The following GNAL variants were observed in gnomAD, a reference collection of about 807,000 sequenced individuals.
GNAL encodes the protein G protein subunit alpha L.
Under a neutral mutation model 55.1 loss-of-function variants are expected in GNAL, and 18 were observed. The observed-to-expected ratio is 0.33, with a 90% CI of 0.23 to 0.48. GNAL has a LOEUF of 0.48. GNAL is among the 20% of genes least tolerant of loss of function. The pLI, the probability that GNAL is intolerant of heterozygous loss-of-function variation, is 0.99. For synonymous variants in GNAL, 253 were observed against 237.0 expected (o/e 1.07, Z -0.62); for missense variants, 412 against 614.1 (o/e 0.67, Z 3.48).
intron 1 of GNAL, among the ~76,000 whole-genome samples, chr18:11,714,308 C>T (rs1353250810): frequency 6.6e-6 from 1 of 151,924 alleles, no homozygotes; most frequent in Admixed American, 6.6e-5. Context: ...TGTGCTTTTT[C>T]CAAAAGAGGA....
chr18:11,871,271 G>A (rs1326030518), intron 9 of GNAL, among the ~76,000 whole-genome samples: 1 of 145,398 alleles, frequency 6.9e-6, no homozygotes, highest in East Asian at 2.0e-4. Context: ...TTTTTTTTGA[G>A]ACAGAGTCTC....
chr18:11,804,968 A>G (rs11876661), intron 4 of GNAL, among the ~76,000 whole-genome samples: 49,611 of 100,762 alleles, frequency 0.49, 14,611 homozygotes, highest in Admixed American at 0.68. Flanking sequence ...GTGCAGTTTG[A>G]GTGGAACATG....
At chr18:11,837,175 G>C (rs1443640744) in intron 5 of GNAL, among the ~76,000 whole-genome samples, 1 of 152,102 alleles carries the variant, frequency 6.6e-6, no homozygotes, top group African/African-American at 2.4e-5. Context: ...ATTTTTAGTA[G>C]TGCTGGCGTT....
intron 11 of GNAL, among the ~76,000 whole-genome samples, chr18:11,879,719 C>A (rs903810514): frequency 6.6e-6 from 1 of 152,222 alleles, no homozygotes; most frequent in African/African-American, 2.4e-5. Flanking sequence ...ACACCCACTG[C>A]ACTTAGCTTC....
At chr18:11,714,053 C>G (rs1488157187) in intron 1 of GNAL, among the ~76,000 whole-genome samples, 1 of 152,214 alleles carries the variant, frequency 6.6e-6, no homozygotes, top group Non-Finnish European at 1.5e-5. Flanking sequence ...CAAGGGGCAT[C>G]TCCGATGCCA....
chr18:11,746,250 T>C, intron 1 of GNAL: 1 of 455,462 alleles, frequency 2.2e-6, no homozygotes, highest in South Asian at 1.7e-5. Context: ...GTGGAGAAGC[T>C]CTTCTCAGGT....
At chr18:11,733,968 C>T (rs1285873020) in intron 1 of GNAL, among the ~76,000 whole-genome samples, 5 of 151,532 alleles carry the variant, frequency 3.3e-5, no homozygotes, top group Admixed American at 6.6e-5. Context: ...TGTAGAACTG[C>T]GCCATCATTT....
At chr18:11,811,005 A>C (rs1003657781) in intron 4 of GNAL, 2 of 152,180 alleles carry the variant, frequency 1.3e-5, no homozygotes, top group Non-Finnish European at 2.9e-5. Context: ...TCTCTTCTGC[A>C]CCAGGACTTA....
At chr18:11,741,270 AACAG>A (rs1295239403) in intron 1 of GNAL, among the ~76,000 whole-genome samples, 1 of 152,244 alleles carries the variant, frequency 6.6e-6, no homozygotes, top group Non-Finnish European at 1.5e-5. Flanking sequence ...AATCCAACAG[AACAG>A]ACCCCTGTGA....
At chr18:11,840,491 G>C (rs2035589870) in intron 5 of GNAL, among the ~76,000 whole-genome samples, 3 of 152,228 alleles carry the variant, frequency 2.0e-5, no homozygotes, top group Admixed American at 1.3e-4. Context: ...CTCAGCAGAG[G>C]TGAACACTGA....
rs551746692 is a variant in GNAL at position 11,883,393 on chromosome 18, C to T, written c.*2258C>T. The stretch of plus-strand genomic sequence containing the variant: ...GTATGCATCATTACTCAACAATTAC[C>T]CTCTAACTAAACATCCTGTTTAAGA... On this transcript the variant is annotated 3_prime_UTR_variant, in exon 12 of 12. Coordinates refer to ENST00000334049, the MANE Select transcript of GNAL (RefSeq NM_182978.4). 2.6e-5 allele frequency: 4 copies of T among 153,376 alleles called. No individual in the cohort carries two copies. Among genetic ancestry groups the T allele is most frequent in the African/African-American group, 9.6e-5 (4 of 41,546 alleles). The allele number at this position is 153,376 out of a possible 1,614,324, so 9.5% of individuals were successfully genotyped here.
chr18:11,728,541 G>A (rs2032265692), intron 1 of GNAL, among the ~76,000 whole-genome samples: 1 of 152,152 alleles, frequency 6.6e-6, no homozygotes, highest in Non-Finnish European at 1.5e-5. Flanking sequence ...TTGCAATTCT[G>A]AGTTGGACAA....
At position 11,822,601 on chromosome 18, in the gene GNAL, C is replaced by T. The variant is rs185444863; in HGVS notation, c.625-2317C>T. 1.8e-3 allele frequency among the ~76,000 whole-genome samples: 272 copies of T among 152,184 alleles called. 1 individual carries two copies. Among genetic ancestry groups the T allele is most frequent in the African/African-American group, 6.4e-3 (264 of 41,510 alleles). ...CCTGTGAGAAGGGGCAGAGTGAGACCACGTCTCAAAAAATTAAAGTTAAAA... is the reference window on the plus strand; with the variant it reads ...CCTGTGAGAAGGGGCAGAGTGAGACTACGTCTCAAAAAATTAAAGTTAAAA... On this transcript the variant is annotated intron_variant, in intron 4 of 11. Coordinates refer to ENST00000334049, the MANE Select transcript of GNAL (RefSeq NM_182978.4).
intron 7 of GNAL, among the ~76,000 whole-genome samples, chr18:11,864,896 T>C (rs1371146890): frequency 6.6e-6 from 1 of 152,212 alleles, no homozygotes; most frequent in Non-Finnish European, 1.5e-5. Context: ...ATCTTTCAGA[T>C]GCACAGTCAC....
At chr18:11,709,524 C>T (rs542173211) in intron 1 of GNAL, among the ~76,000 whole-genome samples, 88 of 151,912 alleles carry the variant, frequency 5.8e-4, no homozygotes, top group African/African-American at 2.0e-3. Context: ...GGTCTTTCTC[C>T]TCCTTGGTTA....
At chr18:11,873,904 C>T (rs681260) in intron 10 of GNAL, 57,802 of 152,456 alleles carry the variant, frequency 0.38, 13,358 homozygotes, top group African/African-American at 0.66. Context: ...TTTCCCTCCT[C>T]ATGGCTGTGG....
At chr18:11,863,406 A>G (rs949509619) in intron 6 of GNAL, among the ~76,000 whole-genome samples, 1 of 152,216 alleles carries the variant, frequency 6.6e-6, no homozygotes, top group South Asian at 2.1e-4. Flanking sequence ...TGGGCCCCCA[A>G]GGTGGGAGGT....
chr18:11,758,139 A>AG (rs1460041563), intron 4 of GNAL, among the ~76,000 whole-genome samples: 1 of 152,226 alleles, frequency 6.6e-6, no homozygotes, highest in Non-Finnish European at 1.5e-5. Flanking sequence ...GCAGGAGTCC[A>AG]GTCCTCGAGA....
chr18:11,837,391 C>G (rs1282920294), intron 5 of GNAL, among the ~76,000 whole-genome samples: 1 of 152,134 alleles, frequency 6.6e-6, no homozygotes, highest in Non-Finnish European at 1.5e-5. Context: ...GGACTTGTAT[C>G]TAGAATCATA....
Sources: gnomAD v4.1 joint callset for allele counts (sites outside exome capture counted in the v4.1 genomes callset) on GRCh38, gnomAD v4.1.1 for gene constraint, MANE v1.5 for transcripts, NCBI Gene and HGNC (gene_info 2026-07-23, HGNC 2026-07-21) for gene names.